The following TSPAN5 variants were observed in gnomAD, a reference collection of about 807,000 sequenced individuals.
TSPAN5 encodes tetraspanin-5.
TSPAN5 carries 10 observed loss-of-function variants against 37.1 expected under a neutral mutation model. The ratio of observed to expected loss-of-function variants is 0.27; its 90% CI spans 0.17 to 0.46. The LOEUF is 0.46. Ranked by LOEUF, TSPAN5 falls within the 20% of genes least tolerant of loss-of-function variation. The probability of loss-of-function intolerance (pLI) is 1.00; values close to 1 mark genes in which losing one functional copy is unlikely to be tolerated. For missense variants in TSPAN5, 195 were observed against 326.6 expected (o/e 0.60, Z 3.11); for synonymous variants, 110 against 118.9 (o/e 0.93, Z 0.48).
chr4:98,525,993 A>G (rs1753952911), intron 1 of TSPAN5, among the ~76,000 whole-genome samples: 1 of 152,326 alleles, frequency 6.6e-6, no homozygotes, highest in East Asian at 1.9e-4. Context: ...GCATATAAAT[A>G]TACTCACATA....
At chr4:98,523,552 A>C (rs1753900124) in intron 1 of TSPAN5, among the ~76,000 whole-genome samples, 1 of 152,056 alleles carries the variant, frequency 6.6e-6, no homozygotes, top group African/African-American at 2.4e-5. Context: ...CTTTTGCCTC[A>C]GCCTCTTGAA....
chr4:98,627,149 G>A lies in TSPAN5; in HGVS notation c.81+30997C>T, dbSNP rs570449570. Reference sequence around the variant, plus strand: ...GAAAACATCTCCTAAGAAAAGGAAGGACATTCTACACATCAGCTGGCCTGT... The same window carrying A: ...GAAAACATCTCCTAAGAAAAGGAAGAACATTCTACACATCAGCTGGCCTGT... On this transcript the variant is annotated intron_variant, in intron 1 of 7. Coordinates refer to ENST00000305798, the MANE Select transcript of TSPAN5 (RefSeq NM_005723.4). 7.2e-5 allele frequency among the ~76,000 whole-genome samples: 11 copies of A among 152,190 alleles called. No individual in the cohort carries two copies. In the East Asian group the frequency reaches 1.5e-3, roughly 21 times the overall value.
intron 1 of TSPAN5, among the ~76,000 whole-genome samples, chr4:98,643,474 G>A (rs1212269431): frequency 1.3e-5 from 2 of 151,736 alleles, no homozygotes; most frequent in Non-Finnish European, 2.9e-5. Flanking sequence ...GATATATATT[G>A]GTACTATATA....
At chr4:98,498,847 C>A (rs575837619) in intron 2 of TSPAN5, among the ~76,000 whole-genome samples, 7 of 152,238 alleles carry the variant, frequency 4.6e-5, no homozygotes, top group African/African-American at 1.7e-4. Flanking sequence ...GCTGGCTGCT[C>A]TGGTATCAGA....
At chr4:98,532,147 G>A (rs1011699942) in intron 1 of TSPAN5, among the ~76,000 whole-genome samples, 1 of 152,192 alleles carries the variant, frequency 6.6e-6, no homozygotes, top group Non-Finnish European at 1.5e-5. Flanking sequence ...CCTATGTCCT[G>A]AATGGTACTG....
chr4:98,507,155 T>C (rs1308183360), intron 2 of TSPAN5, among the ~76,000 whole-genome samples: 1 of 152,190 alleles, frequency 6.6e-6, no homozygotes, highest in Admixed American at 6.5e-5. Context: ...AGCCAAACAT[T>C]CCCATTATTT....
chr4:98,650,476 A>G (rs954052680), intron 1 of TSPAN5, among the ~76,000 whole-genome samples: 1 of 152,222 alleles, frequency 6.6e-6, no homozygotes, highest in Non-Finnish European at 1.5e-5. Flanking sequence ...GATTTACCAA[A>G]TAAGTAAACT....
chr4:98,621,574 T>C (rs964103250), intron 1 of TSPAN5, among the ~76,000 whole-genome samples: 2 of 151,892 alleles, frequency 1.3e-5, no homozygotes, highest in African/African-American at 2.4e-5. Context: ...TTCACCATGT[T>C]CACCAGGATG....
intron 1 of TSPAN5, among the ~76,000 whole-genome samples, chr4:98,633,353 A>C (rs548385498): frequency 1.6e-4 from 25 of 152,286 alleles, no homozygotes; most frequent in African/African-American, 4.3e-4. Flanking sequence ...TAAACAAGAG[A>C]GACTCACCTA....
chr4:98,607,770 G>A (rs2110229373), intron 1 of TSPAN5, among the ~76,000 whole-genome samples: 1 of 151,626 alleles, frequency 6.6e-6, no homozygotes, highest in African/African-American at 2.4e-5. Context: ...GAGTGCAATG[G>A]CGCCATCTCA....
chr4:98,579,255 T>C (rs890163440), intron 1 of TSPAN5, among the ~76,000 whole-genome samples: 1 of 152,200 alleles, frequency 6.6e-6, no homozygotes, highest in African/African-American at 2.4e-5. Flanking sequence ...AAACACGCTC[T>C]TCTTCCTTTA....
intron 1 of TSPAN5, among the ~76,000 whole-genome samples, chr4:98,634,925 C>T (rs1756822817): frequency 6.6e-6 from 1 of 152,142 alleles, no homozygotes; most frequent in South Asian, 2.1e-4. Context: ...AGTGGGGACC[C>T]TATACTACTT....
At chr4:98,634,728 G>A (rs1047675886) in intron 1 of TSPAN5, among the ~76,000 whole-genome samples, 14 of 152,210 alleles carry the variant, frequency 9.2e-5, no homozygotes, top group Admixed American at 4.6e-4. Context: ...TCTGAGAAAC[G>A]ATAGCATCCT....
intron 1 of TSPAN5, among the ~76,000 whole-genome samples, chr4:98,580,471 T>C (rs768795993): frequency 2.6e-5 from 4 of 152,122 alleles, no homozygotes; most frequent in Non-Finnish European, 5.9e-5. Flanking sequence ...GGAAGCCCCA[T>C]CTACACCAGC....
At chr4:98,562,198 G>C (rs115322704) in intron 1 of TSPAN5, among the ~76,000 whole-genome samples, 1 of 152,184 alleles carries the variant, frequency 6.6e-6, no homozygotes, top group African/African-American at 2.4e-5. Flanking sequence ...GCTCTGATGG[G>C]AAACAGTAAG....
At chr4:98,614,563 C>A (rs1756275055) in intron 1 of TSPAN5, among the ~76,000 whole-genome samples, 1 of 152,158 alleles carries the variant, frequency 6.6e-6, no homozygotes, top group African/African-American at 2.4e-5. Flanking sequence ...TTGAGCCACT[C>A]TTGTTTTTTA....
rs78021791 is a variant in TSPAN5, at chr4:98,511,634, G to C, written c.82-3906C>G. Among the ~76,000 whole-genome samples the C allele has an allele frequency of 0.016, 2,476 of 152,278 alleles. 171 individuals carry two copies. The East Asian group carries it at 0.21, about 13-fold the overall frequency. On this transcript the variant is annotated intron_variant, in intron 1 of 7. Coordinates refer to ENST00000305798, the MANE Select transcript of TSPAN5 (RefSeq NM_005723.4). ...ACTGAGCTGCACTGGTAAGTGTAAA[G>C]TGCAGGCTGAATTTTGAAAACTTAA...
intron 1 of TSPAN5, among the ~76,000 whole-genome samples, chr4:98,582,207 G>A (rs1197462233): frequency 1.3e-5 from 2 of 152,204 alleles, no homozygotes; most frequent in Admixed American, 6.5e-5. Flanking sequence ...TAGCCGCTGG[G>A]CCCTCTCCCC....
chr4:98,599,929 T>C (rs1755845928), intron 1 of TSPAN5, among the ~76,000 whole-genome samples: 1 of 152,222 alleles, frequency 6.6e-6, no homozygotes, highest in Non-Finnish European at 1.5e-5. Flanking sequence ...TTTTAACTTA[T>C]CTTGGGTAAC....
Sources: allele counts gnomAD v4.1 joint callset (sites outside exome capture counted in the v4.1 genomes callset), GRCh38; gene constraint gnomAD v4.1.1; transcripts MANE v1.5; gene names NCBI Gene and HGNC (gene_info 2026-07-23, HGNC 2026-07-21).